Variants in FSCN3 observed in about 807,000 individuals in gnomAD.
FSCN3 encodes the protein fascin-3.
In FSCN3, 43 loss-of-function variants were observed where a neutral mutation model predicts 53.5. The ratio of observed to expected loss-of-function variants is 0.80; its 90% CI spans 0.63 to 1.04. FSCN3 has a LOEUF of 1.04. Among genes scored for constraint, FSCN3 ranks in the 50% least tolerant of loss-of-function variants. The pLI, the probability that FSCN3 is intolerant of heterozygous loss-of-function variation, is 0.00. For missense variants in FSCN3, 594 were observed against 646.5 expected (o/e 0.92, Z 0.88); for synonymous variants, 235 against 246.6 (o/e 0.95, Z 0.44).
chr7:127,596,349 C>T lies in FSCN3; in HGVS notation c.863C>T (p.Ser288Phe). 1 of 1,612,254 alleles carries T rather than the reference C, an allele frequency of 6.2e-7. No homozygotes were observed. Among genetic ancestry groups the T allele is most frequent in the Non-Finnish European group, 8.5e-7 (1 of 1,178,284 alleles). ...VIYDGEVRAA[S>F]ERLNRMSLFQ... ...GCAGATGGTGAGGTGCGTGCTGCTT[C>T]TGAGCGCTTAAACCGAATGTCCTTG... The change falls in exon 3 of 7, where the codon TCT becomes TTT. Residue 288 changes from serine to phenylalanine, a missense_variant. Coordinates refer to ENST00000265825, the MANE Select transcript of FSCN3 (RefSeq NM_020369.3).
chr7:127,600,188 C>T lies in FSCN3; in HGVS notation c.1292-6C>T. ...GGCCCACCAACCTGAGCTCTTCCTT[C>T]TCCAGCACAGGGGGGATCCTTCTGG... On this transcript the variant is annotated splice_polypyrimidine_tract_variant and splice_region_variant and intron_variant, in intron 5 of 6. Coordinates refer to ENST00000265825, the MANE Select transcript of FSCN3 (RefSeq NM_020369.3). 6.4e-7 allele frequency: 1 copy of T among 1,560,660 alleles called. No homozygotes were observed. The highest frequency in any genetic ancestry group is 8.8e-7 in the Non-Finnish European group (1 of 1,131,500).
chr7:127,595,520 G>A lies in FSCN3; in HGVS notation c.358G>A (p.Gly120Ser), dbSNP rs1039550646. 1 of 1,614,016 alleles carries A rather than the reference G, an allele frequency of 6.2e-7. No individual in the cohort carries two copies. The highest frequency in any genetic ancestry group is 1.3e-5 in the African/African-American group (1 of 74,920). Residue 120 changes from glycine (G) to serine (S), a missense_variant, in exon 2 of 7, where the codon GGC (glycine) becomes AGC (serine). Coordinates refer to ENST00000265825, the MANE Select transcript of FSCN3 (RefSeq NM_020369.3). The stretch of plus-strand genomic sequence containing the variant: ...CTCTGGTCGTTATTTGGAGTCCAAT[G>A]GCAAGGACGTGTTTTGCACTTCCCA... The part of the protein sequence containing the change: ...LISGRYLESN[G>S]KDVFCTSHVL...
Position 127,599,405 on chromosome 7 carries a change from T to A in FSCN3, c.1145T>A (p.Leu382Ter), listed in dbSNP as rs768178179. ...LPGPNEEFGI[L>*]FANRSFLVLR... ...GGCCCAAATGAGGAATTTGGGATTT[T>A]ATTTGCCAATCGCTCCTTCCTTGTA... Residue 382 changes from leucine (L) to a stop codon, truncating the protein, a stop_gained, in exon 5 of 7, where the codon TTA (leucine) becomes TAA (stop). Transcript: ENST00000265825. LOFTEE classifies it high-confidence loss of function. The A allele has an allele frequency of 6.2e-7, 1 of 1,613,902 alleles. No homozygotes were observed. The highest frequency in any genetic ancestry group is 8.5e-7 in the Non-Finnish European group (1 of 1,179,824).
In FSCN3 at chr7:127,593,802, C is replaced by G; in HGVS notation, c.-52C>G. ...GGCCCTATGGCCTGTGGAACCTCAC[C>G]ACGGGGGGGAGGGCTGGGCCAGACG... On this transcript the variant is annotated 5_prime_UTR_variant, in exon 1 of 7. Coordinates refer to ENST00000265825, the MANE Select transcript of FSCN3 (RefSeq NM_020369.3). 1 of 1,548,270 alleles carries G rather than the reference C, an allele frequency of 6.5e-7. No individual in the cohort carries two copies. The highest frequency in any genetic ancestry group is 8.7e-7 in the Non-Finnish European group (1 of 1,144,752).
chr7:127,599,600 C>T, intron 5 of FSCN3, 49 bp downstream of exon 5: 2 of 1,563,712 alleles, frequency 1.3e-6, no homozygotes, highest in Non-Finnish European at 1.8e-6. Context: ...TAGTCCCTGC[C>T]TTAGCCCCAG....
chr7:127,595,270 A>C (rs748661094), intron 1 of FSCN3, 37 bp from the exon 2 acceptor site: 1 of 1,563,438 alleles, frequency 6.4e-7, no homozygotes, highest in Non-Finnish European at 8.7e-7. Context: ...TAACTTCGTG[A>C]TACTGATTTC....
intron 2 of FSCN3, 113 bp from the exon 3 acceptor site, chr7:127,596,215 C>A: frequency 6.5e-7 from 1 of 1,527,630 alleles, no homozygotes; most frequent in South Asian, 1.3e-5. Flanking sequence ...CTACCATGGT[C>A]CAACAGAAAG....
chr7:127,594,140 C>G (rs139823590), intron 1 of FSCN3, 143 bp downstream of exon 1: 3 of 919,962 alleles, frequency 3.3e-6, no homozygotes, highest in Non-Finnish European at 4.6e-6. Flanking sequence ...ATACTGGAAC[C>G]GGTTTTCTGA....
At chr7:127,599,353 C>A (rs1347395330) in intron 4 of FSCN3, 28 bp from the exon 5 acceptor site, 6 of 1,595,252 alleles carry the variant, frequency 3.8e-6, no homozygotes, top group Non-Finnish European at 5.2e-6. Context: ...GGCAGCCCAT[C>A]CAGATAACTC....
At chr7:127,599,311 C>G in intron 4 of FSCN3, 70 bp from the exon 5 acceptor site, 2 of 1,187,864 alleles carry the variant, frequency 1.7e-6, no homozygotes, top group Non-Finnish European at 2.5e-6. Context: ...TTAGCGTCCC[C>G]CCTCCTGCTT....
chr7:127,598,187 A>C (rs1238372397), intron 3 of FSCN3, among the ~76,000 whole-genome samples: 1 of 152,116 alleles, frequency 6.6e-6, no homozygotes, highest in Non-Finnish European at 1.5e-5. Context: ...ACTGAGGTTT[A>C]TTTCTCTCCC....
rs774367278 is a variant in FSCN3 at position 127,595,777 on chromosome 7, G to A, written c.615G>A (p.Leu205=). Residue 205 remains leucine, a synonymous_variant, in exon 2 of 7, where the codon CTG becomes CTA. Transcript: ENST00000265825. ...THHFLSHVDR[L]FSQPSSQTAF... ...ACTTCTTGTCCCATGTAGACCGGCT[G>A]TTCTCCCAACCCTCATCACAGACAG... is the stretch of plus-strand genomic sequence containing the variant. 3.1e-6 allele frequency: 5 copies of A among 1,614,008 alleles called. No homozygotes were observed. The East Asian group carries it at 1.1e-4, about 36-fold the overall frequency.
intron 3 of FSCN3, among the ~76,000 whole-genome samples, chr7:127,597,627 C>A (rs753640760): frequency 2.0e-5 from 3 of 151,964 alleles, no homozygotes; most frequent in African/African-American, 7.3e-5. Context: ...TACAGGCATG[C>A]GCCACCATGC....
chr7:127,598,287 C>T, intron 3 of FSCN3, 148 bp from the exon 4 acceptor site: 1 of 729,340 alleles, frequency 1.4e-6, no homozygotes, highest in South Asian at 1.6e-5. Context: ...GCACATCTTC[C>T]AAAAAGGTTC....
chr7:127,595,405 CGT>C lies in FSCN3; in HGVS notation c.248_249del (p.Cys83LeufsTer77), dbSNP rs1794370607. 6.2e-7 allele frequency: 1 copy of C among 1,614,152 alleles called. No individual in the cohort carries two copies. Among genetic ancestry groups the C allele is most frequent in the African/African-American group, 1.3e-5 (1 of 75,022 alleles). On this transcript the variant is annotated frameshift_variant, in exon 2 of 7. Transcript: ENST00000265825. LOFTEE classifies it high-confidence loss of function. ...LYLLCECDGT[V>X]CYGRPRTSHH... ...ACCTGCTGTGTGAGTGTGATGGCAC[CGT>C]GTGTTATGGCCGCCCAAGGACCAGC...
In FSCN3 at chr7:127,596,001, A is replaced by G. The variant is rs770327743; in HGVS notation, c.839A>G (p.Tyr280Cys). 10 of 1,545,192 alleles carry G rather than the reference A, an allele frequency of 6.5e-6. No individual in the cohort carries two copies. The highest frequency in any genetic ancestry group is 8.7e-6 in the Non-Finnish European group (10 of 1,145,550). Residue 280 changes from tyrosine to cysteine, a missense_variant and splice_region_variant, in exon 2 of 7, where the codon TAC (tyrosine) becomes TGC (cysteine). Transcript: ENST00000265825. ...ACTGGGCGGTTCATCTCAGTCATCT[A>G]CGGCAAGTGCTGGACCCAACACAGA... ...SKTGRFISVI[Y>C]DGEVRAASER...
rs1036839335 is a variant in FSCN3, at chr7:127,595,657, C to T, written c.495C>T (p.Arg165=). The T allele has an allele frequency of 1.9e-6, 3 of 1,613,948 alleles. No individual in the cohort carries two copies. Among genetic ancestry groups the T allele is most frequent in the Admixed American group, 1.7e-5 (1 of 60,028 alleles). Residue 165 remains arginine (R), a synonymous_variant, in exon 2 of 7, where the codon CGC becomes CGT. Coordinates refer to ENST00000265825, the MANE Select transcript of FSCN3 (RefSeq NM_020369.3). ...CCCGGGCTGACCCCACTATGGGCCG[C>T]ATCTGGGTGGACGCAGCAGTTCCCT... ...CYARADPTMG[R]IWVDAAVPCL...
At chr7:127,594,091 T>A (rs1404142331) in intron 1 of FSCN3, 94 bp downstream of exon 1, 1 of 1,381,626 alleles carries the variant, frequency 7.2e-7, no homozygotes, top group Non-Finnish European at 9.9e-7. Flanking sequence ...TGAGTGTATG[T>A]GTGTGTGTGT....
rs1225447621 is a variant in FSCN3, at chr7:127,593,912, T to C, written c.59T>C (p.Leu20Pro). 1 of 1,601,914 alleles carries C rather than the reference T, an allele frequency of 6.2e-7. No homozygotes were observed. Among genetic ancestry groups the C allele is most frequent in the Non-Finnish European group, 8.5e-7 (1 of 1,174,124 alleles). The change falls in exon 1 of 7, where the codon CTC (leucine) becomes CCC (proline). Residue 20 changes from leucine to proline, a missense_variant. By Grantham distance (98) the Leu-to-Pro change is moderately conservative. Coordinates refer to ENST00000265825, the MANE Select transcript of FSCN3 (RefSeq NM_020369.3). ...AAGGCTGAGGACCTAAGGGTTGGGCTCATCAGCTGGGCAGGAACCTACCTC... is the reference window on the plus strand; with the variant it reads ...AAGGCTGAGGACCTAAGGGTTGGGCCCATCAGCTGGGCAGGAACCTACCTC... ...HPKAEDLRVG[L>P]ISWAGTYLTF...
Sources: allele counts gnomAD v4.1 joint callset (sites outside exome capture counted in the v4.1 genomes callset), GRCh38; gene constraint gnomAD v4.1.1; transcripts MANE v1.5; gene names NCBI Gene and HGNC (gene_info 2026-07-23, HGNC 2026-07-21).